SEL1L3: variants seen among roughly 807,000 people sequenced by gnomAD.
The protein encoded by SEL1L3 is protein sel-1 homolog 3.
In SEL1L3, 76 loss-of-function variants were observed where a neutral mutation model predicts 142.8. That is an observed-to-expected ratio of 0.53 (90% CI 0.44 to 0.64). The LOEUF is 0.64. Ranked by LOEUF, SEL1L3 falls within the 30% of genes least tolerant of loss-of-function variation. The probability of loss-of-function intolerance (pLI) is 0.00; values close to 1 mark genes in which losing one functional copy is unlikely to be tolerated. For synonymous variants in SEL1L3, 504 were observed against 519.6 expected, an observed-to-expected ratio of 0.97 and a Z score of 0.41; for missense variants, 1,262 against 1,381.7, an observed-to-expected ratio of 0.91 and a Z score of 1.37.
intron 13 of SEL1L3, among the ~76,000 whole-genome samples, chr4:25,784,499 C>T (rs1390759524): frequency 6.6e-6 from 1 of 152,180 alleles, no homozygotes; most frequent in African/African-American, 2.4e-5. Context: ...AGCAACAAAC[C>T]TCAACTTCGC....
At chr4:25,837,278 C>A (rs550208318) in intron 2 of SEL1L3, among the ~76,000 whole-genome samples, 1 of 147,232 alleles carries the variant, frequency 6.8e-6, no homozygotes, top group African/African-American at 2.5e-5. Context: ...CAGATGGCCA[C>A]GTTAGACCCC....
intron 23 of SEL1L3, among the ~76,000 whole-genome samples, chr4:25,755,103 A>C (rs981989481): frequency 6.6e-6 from 1 of 151,962 alleles, no homozygotes; most frequent in Non-Finnish European, 1.5e-5. Flanking sequence ...ACTTTTTTAG[A>C]GACTGGGTCT....
intron 13 of SEL1L3, among the ~76,000 whole-genome samples, chr4:25,786,517 T>C (rs1203488115): frequency 6.6e-6 from 1 of 152,194 alleles, no homozygotes; most frequent in Non-Finnish European, 1.5e-5. Flanking sequence ...TGTGAGATCT[T>C]GGTAGGCAGA....
chr4:25,858,787 T>C (rs1384656217), intron 1 of SEL1L3, among the ~76,000 whole-genome samples: 1 of 152,138 alleles, frequency 6.6e-6, no homozygotes, highest in Non-Finnish European at 1.5e-5. Context: ...GGTTTCACCA[T>C]GTTGGCCAGG....
chr4:25,734,248 G>A, the SEL1L3 span, among the ~76,000 whole-genome samples: 2 of 152,034 alleles, frequency 1.3e-5, no homozygotes, highest in Non-Finnish European at 2.9e-5. Context: ...GTTTCATCAT[G>A]TTGGCCAGGC....
chr4:25,838,240 A>G (rs1456745992), intron 2 of SEL1L3, among the ~76,000 whole-genome samples: 1 of 152,170 alleles, frequency 6.6e-6, no homozygotes, highest in Non-Finnish European at 1.5e-5. Flanking sequence ...ATTTTGCATG[A>G]AGAGCTTAGG....
At chr4:25,747,333 A>G (rs182491104), downstream of SEL1L3, 1 of 152,124 alleles carries the variant, frequency 6.6e-6, no homozygotes, top group Admixed American at 6.6e-5. Context: ...CACCAGGAGG[A>G]CTTTTCTTTT....
intron 11 of SEL1L3, among the ~76,000 whole-genome samples, chr4:25,794,469 C>A (rs181106183): frequency 6.6e-6 from 1 of 152,114 alleles, no homozygotes; most frequent in Non-Finnish European, 1.5e-5. Context: ...AAATCAAAAC[C>A]ACAATGAGAT....
At chr4:25,774,090 G>A (rs1173865203) in intron 17 of SEL1L3, among the ~76,000 whole-genome samples, 1 of 152,182 alleles carries the variant, frequency 6.6e-6, no homozygotes, top group Non-Finnish European at 1.5e-5. Context: ...GTAAGGAACT[G>A]GGATAGAAGT....
At chr4:25,767,414 TTTCTA>T in intron 19 of SEL1L3, 106 bp downstream of exon 19, 1 of 669,994 alleles carries the variant, frequency 1.5e-6, no homozygotes, top group Non-Finnish European at 2.7e-6. Context: ...TTCACTTTCT[TTTCTA>T]ATTATTTAGA....
chr4:25,833,110 C>A lies in SEL1L3; in HGVS notation c.983G>T (p.Gly328Val). The A allele has an allele frequency of 2.6e-6, 4 of 1,560,096 alleles. No homozygotes were observed. The highest frequency in any genetic ancestry group is 3.5e-6 in the Non-Finnish European group (4 of 1,131,366). ...GTPSVFLTEE[G>V]YLHIQMHLVK... is the part of the protein sequence containing the mutation. ...AAGATGCATCTGAATATGCAAATAGCCTAAAAGGAAAATTCGAGCACATGA... is the reference window on the plus strand; with the variant it reads ...AAGATGCATCTGAATATGCAAATAGACTAAAAGGAAAATTCGAGCACATGA... Residue 328 changes from glycine to valine, a missense_variant and splice_region_variant, in exon 5 of 24, where the codon GGC becomes GTC. Physicochemically the swap from Gly to Val is moderately radical, Grantham distance 109. Transcript: ENST00000399878.
At chr4:25,780,375 C>T (rs1000995960) in intron 15 of SEL1L3, among the ~76,000 whole-genome samples, 3 of 152,142 alleles carry the variant, frequency 2.0e-5, no homozygotes, top group African/African-American at 4.8e-5. Flanking sequence ...CATCGTTGCC[C>T]CATTGAACAT....
chr4:25,758,903 TC>T, intron 21 of SEL1L3, 37 bp downstream of exon 21: 1 of 1,579,140 alleles, frequency 6.3e-7, no homozygotes, highest in Non-Finnish European at 8.6e-7. Context: ...CTACTTGGGT[TC>T]CCTCAGATTC....
At chr4:25,750,992 T>C (rs770272916) in intron 23 of SEL1L3, among the ~76,000 whole-genome samples, 66 of 152,158 alleles carry the variant, frequency 4.3e-4, no homozygotes, top group Non-Finnish European at 8.4e-4. Context: ...TATTGAGACA[T>C]AAAGTTGACA....
At chr4:25,819,180 C>T (rs4692278) in intron 8 of SEL1L3, among the ~76,000 whole-genome samples, 39,031 of 152,146 alleles carry the variant, frequency 0.26, 6,190 homozygotes, top group Non-Finnish European at 0.34. Context: ...GGAACACTGG[C>T]GAACCAGACA....
chr4:25,757,947 G>T (rs1718108241), intron 21 of SEL1L3, 157 bp from the exon 22 acceptor site: 7 of 623,778 alleles, frequency 1.1e-5, no homozygotes, highest in Non-Finnish European at 2.0e-5. Flanking sequence ...TAAAGCCAGT[G>T]GCCAAATAAG....
intron 11 of SEL1L3, among the ~76,000 whole-genome samples, chr4:25,797,349 G>C (rs967690318): frequency 2.0e-5 from 3 of 152,134 alleles, no homozygotes; most frequent in African/African-American, 7.2e-5. Context: ...CACTTCAACC[G>C]CTCACCTCAG....
In SEL1L3 at chr4:25,833,125, C is replaced by T. The variant is rs767249009; in HGVS notation, c.983-15G>A. On this transcript the variant is annotated splice_polypyrimidine_tract_variant and intron_variant, in intron 4 of 23. Coordinates refer to ENST00000399878, the MANE Select transcript of SEL1L3 (RefSeq NM_015187.5). ...ATGCAAATAGCCTAAAAGGAAAATT[C>T]GAGCACATGAAAATGAGCAAAAAAT... 5 of 1,466,556 alleles carry T rather than the reference C, an allele frequency of 3.4e-6. No homozygotes were observed. The highest frequency in any genetic ancestry group is 4.8e-6 in the Non-Finnish European group (5 of 1,046,300). The allele number at this position is 1,466,556 out of a possible 1,614,324, so 90.8% of individuals were successfully genotyped here.
chr4:25,762,807 G>A (rs773207022), intron 20 of SEL1L3, among the ~76,000 whole-genome samples: 4 of 151,968 alleles, frequency 2.6e-5, no homozygotes, highest in East Asian at 1.9e-4. Context: ...GTGAAACCCC[G>A]TTTCTACTAA....
Sources: gnomAD v4.1 joint callset for allele counts (sites outside exome capture counted in the v4.1 genomes callset) on GRCh38, gnomAD v4.1.1 for gene constraint, MANE v1.5 for transcripts, NCBI Gene and HGNC (gene_info 2026-07-23, HGNC 2026-07-21) for gene names.